SMAD4: variants seen among roughly 807,000 people sequenced by gnomAD.
The protein encoded by SMAD4 is SMAD family member 4.
In SMAD4, 7 loss-of-function variants were observed where a neutral mutation model predicts 63.2. The ratio of observed to expected loss-of-function variants is 0.11; its 90% CI spans 0.06 to 0.21. The LOEUF (loss-of-function observed/expected upper bound fraction) is 0.21. Ranked by LOEUF, SMAD4 falls within the 10% of genes least tolerant of loss-of-function variation. The probability of loss-of-function intolerance (pLI) is 1.00; values close to 1 mark genes in which losing one functional copy is unlikely to be tolerated. For missense variants in SMAD4, 312 were observed against 693.8 expected (o/e 0.45, Z 6.18); for synonymous variants, 215 against 235.4 (o/e 0.91, Z 0.79).
intron 1 of SMAD4, among the ~76,000 whole-genome samples, chr18:51,041,364 G>A (rs946846001): frequency 5.3e-5 from 8 of 152,160 alleles, no homozygotes; most frequent in Non-Finnish European, 8.8e-5. Context: ...CTGGCACATG[G>A]TAGTATTGTG....
chr18:51,085,009 G>A lies in SMAD4; in HGVS notation c.*6542G>A, dbSNP rs1910714751. ...CCTTTCTTGAGAACTCTGTAACAAAGTATGTTTTTGATTAAAAGAGAAAGC... is the reference window on the plus strand; with the variant it reads ...CCTTTCTTGAGAACTCTGTAACAAAATATGTTTTTGATTAAAAGAGAAAGC... On this transcript the variant is annotated 3_prime_UTR_variant, in exon 12 of 12. Coordinates refer to ENST00000342988, the MANE Select transcript of SMAD4 (RefSeq NM_005359.6). 5.0e-6 allele frequency: 1 copy of A among 200,676 alleles called. No individual in the cohort carries two copies. Among genetic ancestry groups the A allele is most frequent in the South Asian group, 1.9e-4 (1 of 5,262 alleles). 12.4% of individuals were successfully genotyped at this position (200,676 alleles called of 1,614,324 possible).
At chr18:51,048,141 C>G (rs1184544939) in intron 2 of SMAD4, among the ~76,000 whole-genome samples, 3 of 152,094 alleles carry the variant, frequency 2.0e-5, no homozygotes, top group African/African-American at 7.2e-5. Flanking sequence ...GCAACACAGT[C>G]TTTTTGCATA....
At position 51,081,429 on chromosome 18, in the gene SMAD4, C is replaced by T. The variant is rs543699844; in HGVS notation, c.*2962C>T. Reference sequence around the variant, plus strand: ...GTCTATCTCATTTTTAATAGTTTACCGCCCCTGGTATACAAAGATAATGAC... The same window carrying T: ...GTCTATCTCATTTTTAATAGTTTACTGCCCCTGGTATACAAAGATAATGAC... On this transcript the variant is annotated 3_prime_UTR_variant, in exon 12 of 12. Coordinates refer to ENST00000342988, the MANE Select transcript of SMAD4 (RefSeq NM_005359.6). 137 of 229,954 alleles carry T rather than the reference C, an allele frequency of 6.0e-4. No individual in the cohort carries two copies. Among genetic ancestry groups the T allele is most frequent in the Non-Finnish European group, 9.3e-4 (108 of 116,224 alleles). 14.2% of individuals were successfully genotyped at this position (229,954 alleles called of 1,614,324 possible). A position where few individuals can be genotyped will look rare whatever the true frequency, so the allele number is the denominator to read the frequency against.
chr18:51,037,677 T>C (rs1909244820), intron 1 of SMAD4, among the ~76,000 whole-genome samples: 1 of 152,248 alleles, frequency 6.6e-6, no homozygotes, highest in Non-Finnish European at 1.5e-5. Flanking sequence ...TGTTCTTTTC[T>C]AGGAAAAGCA....
chr18:51,072,402 C>T (rs1249427334), intron 10 of SMAD4, among the ~76,000 whole-genome samples: 6 of 152,154 alleles, frequency 3.9e-5, no homozygotes, highest in African/African-American at 1.4e-4. Flanking sequence ...GCAGCAGATG[C>T]TTCTAAACCA....
chr18:51,037,463 T>C lies in SMAD4; in HGVS notation c.-128+6840T>C, dbSNP rs543820131. Among the ~76,000 whole-genome samples, 64 of 152,346 alleles carry C rather than the reference T, an allele frequency of 4.2e-4. 1 individual carries two copies. The highest frequency in any genetic ancestry group is 1.1e-3 in the African/African-American group (44 of 41,574). On this transcript the variant is annotated intron_variant, in intron 1 of 11. Coordinates refer to ENST00000342988, the MANE Select transcript of SMAD4 (RefSeq NM_005359.6). The stretch of plus-strand genomic sequence containing the variant: ...ACTTTAAAATGACTCTAGGCAGTTA[T>C]ACCAAACATATGAGTCCTCATTGTG...
rs374018586 is a variant in SMAD4 at position 51,066,997 on chromosome 18, T to C, written c.1140-22T>C. The C allele has an allele frequency of 5.1e-6, 8 of 1,569,524 alleles. No individual in the cohort carries two copies. In the African/African-American group the frequency reaches 1.1e-4, roughly 21 times the overall value. On this transcript the variant is annotated intron_variant, in intron 9 of 11. Coordinates refer to ENST00000342988, the MANE Select transcript of SMAD4 (RefSeq NM_005359.6). ...TTAAAATACTTATCAAGATAAAATG[T>C]AATTTCTTTTTTCTTCCTAAGGTTG... is the stretch of plus-strand genomic sequence containing the variant.
chr18:51,046,799 A>G (rs542661365), intron 1 of SMAD4, 121 bp from the exon 2 acceptor site: 3 of 433,996 alleles, frequency 6.9e-6, no homozygotes, highest in African/African-American at 2.0e-5. Flanking sequence ...CTGAGCATCA[A>G]ATTTTAATTA....
chr18:51,059,729 G>A (rs950845812), intron 7 of SMAD4, 137 bp from the exon 8 acceptor site: 33 of 690,450 alleles, frequency 4.8e-5, no homozygotes, highest in Non-Finnish European at 7.8e-5. Context: ...AAACTTTTAA[G>A]TTCTTAGACA....
chr18:51,047,359 C>T (rs1229287925), intron 2 of SMAD4, 64 bp downstream of exon 2: 4 of 1,444,842 alleles, frequency 2.8e-6, no homozygotes, highest in Admixed American at 1.7e-5. Flanking sequence ...TGCTACGTTT[C>T]CTTTCAAGCT....
chr18:51,046,368 C>A (rs1184240403), intron 1 of SMAD4, among the ~76,000 whole-genome samples: 1 of 151,064 alleles, frequency 6.6e-6, no homozygotes. Flanking sequence ...GAGCATCTTT[C>A]ATGTGCTTAT....
chr18:51,055,509 T>C (rs1021035007), intron 5 of SMAD4, among the ~76,000 whole-genome samples: 8 of 149,630 alleles, frequency 5.3e-5, no homozygotes, highest in Admixed American at 2.7e-4. Context: ...TCTATATCTC[T>C]TTTTAAAATA....
At chr18:51,076,040 C>T (rs1447429796) in intron 10 of SMAD4, among the ~76,000 whole-genome samples, 4 of 151,940 alleles carry the variant, frequency 2.6e-5, no homozygotes, top group African/African-American at 4.8e-5. Flanking sequence ...ACCCATCGCA[C>T]GGATTAAGTA....
rs1910581846 is a variant in SMAD4 at position 51,080,375 on chromosome 18, G to A, written c.*1908G>A. ...CCTAATTTTCTTCTGTAAAAGTTTGGTGATTTAAGTTTTATTGGCAGTTTT... is the reference window on the plus strand; with the variant it reads ...CCTAATTTTCTTCTGTAAAAGTTTGATGATTTAAGTTTTATTGGCAGTTTT... On this transcript the variant is annotated 3_prime_UTR_variant, in exon 12 of 12. Coordinates refer to ENST00000342988, the MANE Select transcript of SMAD4 (RefSeq NM_005359.6). 4.3e-6 allele frequency: 1 copy of A among 231,456 alleles called. No homozygotes were observed. Among genetic ancestry groups the A allele is most frequent in the Admixed American group, 5.6e-5 (1 of 17,720 alleles). 14.3% of individuals were successfully genotyped at this position (231,456 alleles called of 1,614,324 possible).
At chr18:51,063,580 T>A (rs958233002) in intron 8 of SMAD4, among the ~76,000 whole-genome samples, 2 of 151,980 alleles carry the variant, frequency 1.3e-5, no homozygotes, top group Non-Finnish European at 2.9e-5. Context: ...GCCCAGCCAA[T>A]TTTTCTATTT....
chr18:51,033,876 A>G (rs895440359), intron 1 of SMAD4, among the ~76,000 whole-genome samples: 4 of 152,228 alleles, frequency 2.6e-5, no homozygotes, highest in African/African-American at 4.8e-5. Flanking sequence ...TAGTGCTTAC[A>G]TATGTAAAAC....
chr18:51,044,868 T>C (rs550848970), intron 1 of SMAD4: 5 of 152,300 alleles, frequency 3.3e-5, no homozygotes, highest in Admixed American at 3.3e-4. Flanking sequence ...ATCTCTTGAC[T>C]CCAAAATCTC....
rs1599181096 is a variant in SMAD4, at chr18:51,047,129, A to G, written c.83A>G (p.Gln28Arg). 1 of 1,614,108 alleles carries G rather than the reference A, an allele frequency of 6.2e-7. No homozygotes were observed. The highest frequency in any genetic ancestry group is 8.5e-7 in the Non-Finnish European group (1 of 1,179,970). ...SIVHSLMCHR[Q>R]GGESETFAKR... ...GTGCATAGTTTGATGTGCCATAGAC[A>G]AGGTGGAGAGAGTGAAACATTTGCA... The change falls in exon 2 of 12, where the codon CAA (glutamine) becomes CGA (arginine). Residue 28 changes from glutamine to arginine, a missense_variant. Gln to Arg is a conservative substitution (Grantham distance 43). Around this residue, in one of 4 missense-constraint regions of SMAD4, gnomAD observed 37 missense variants for 87.3 expected, o/e 0.42. Transcript: ENST00000342988.
rs1910602759 is a variant in SMAD4 at position 51,081,109 on chromosome 18, C to G, written c.*2642C>G. 1 of 217,808 alleles carries G rather than the reference C, an allele frequency of 4.6e-6. No homozygotes were observed. The highest frequency in any genetic ancestry group is 1.9e-4 in the South Asian group (1 of 5,390). The allele number at this position is 217,808 out of a possible 1,614,324, so 13.5% of individuals were successfully genotyped here. A position where few individuals can be genotyped will look rare whatever the true frequency, so the allele number is the denominator to read the frequency against. ...TGGTTGTTAATCTATATTTCTATTT[C>G]TTAGTGGTAGTCATCTTTGATGAAT... is the stretch of plus-strand genomic sequence containing the variant. On this transcript the variant is annotated 3_prime_UTR_variant, in exon 12 of 12. Transcript: ENST00000342988.
Sources: allele counts gnomAD v4.1 joint callset (sites outside exome capture counted in the v4.1 genomes callset), GRCh38; gene constraint gnomAD v4.1.1; regional missense constraint gnomAD v4.1.1; transcripts MANE v1.5; gene names NCBI Gene and HGNC (gene_info 2026-07-23, HGNC 2026-07-21).